BTBD7: variants seen among roughly 807,000 people sequenced by gnomAD.
BTBD7 encodes BTB/POZ domain-containing protein 7.
In BTBD7, 38 loss-of-function variants were observed where a neutral mutation model predicts 99.9. That is an observed-to-expected ratio of 0.38 (90% CI 0.29 to 0.50). The LOEUF is 0.50. Among genes scored for constraint, BTBD7 ranks in the 20% least tolerant of loss-of-function variants. The pLI is 0.93. For synonymous variants in BTBD7, 520 were observed against 511.4 expected (o/e 1.02, Z -0.23); for missense variants, 1,170 against 1,394.6 (o/e 0.84, Z 2.57).
rs957974665 is a variant in BTBD7, at chr14:93,238,414, T to C, written c.*3859A>G. ...GCAGTGTGCATGTTAAGTCTTTTAG[T>C]AAGATTATCTGTAATGAGGTTTGAA... On this transcript the variant is annotated 3_prime_UTR_variant, in exon 11 of 11. Coordinates refer to ENST00000334746, the MANE Select transcript of BTBD7 (RefSeq NM_001002860.4). The C allele has an allele frequency of 6.5e-6, 1 of 152,678 alleles. No individual in the cohort carries two copies. The highest frequency in any genetic ancestry group is 2.4e-5 in the African/African-American group (1 of 41,570). The allele number at this position is 152,678 out of a possible 1,614,324, so 9.5% of individuals were successfully genotyped here.
intron 6 of BTBD7, 171 bp downstream of exon 6, chr14:93,257,024 T>C (rs754388933): frequency 9.5e-6 from 6 of 634,502 alleles, no homozygotes; most frequent in African/African-American, 1.8e-5. Context: ...AACTGTATTA[T>C]GTGGAAGACA....
intron 3 of BTBD7, among the ~76,000 whole-genome samples, chr14:93,273,656 A>C (rs2052623457): frequency 6.6e-6 from 1 of 152,182 alleles, no homozygotes; most frequent in African/African-American, 2.4e-5. Flanking sequence ...CAGCTCCCCC[A>C]ACTCCTTGCT....
intron 3 of BTBD7, among the ~76,000 whole-genome samples, chr14:93,284,911 A>T (rs927096776): frequency 2.0e-5 from 3 of 152,120 alleles, no homozygotes; most frequent in South Asian, 2.1e-4. Context: ...AAATGACTTA[A>T]GTTTTAAAAC....
intron 1 of BTBD7, among the ~76,000 whole-genome samples, chr14:93,316,543 T>C (rs1024294577): frequency 6.6e-6 from 1 of 152,192 alleles, no homozygotes; most frequent in African/African-American, 2.4e-5. Flanking sequence ...GCCACCATAC[T>C]GGGCATAACA....
At chr14:93,290,465 G>A (rs542523270) in intron 3 of BTBD7, among the ~76,000 whole-genome samples, 21 of 150,490 alleles carry the variant, frequency 1.4e-4, no homozygotes, top group Non-Finnish European at 2.4e-4. Flanking sequence ...GCCTGCCCCG[G>A]CCTCCCAAAG....
At chr14:93,275,612 G>A (rs895136602) in intron 3 of BTBD7, among the ~76,000 whole-genome samples, 5 of 152,134 alleles carry the variant, frequency 3.3e-5, no homozygotes, top group African/African-American at 9.7e-5. Context: ...CAGAGTGTAC[G>A]TACACAAACC....
At chr14:93,332,539 G>A (rs1168048713) in intron 1 of BTBD7, among the ~76,000 whole-genome samples, 1 of 151,248 alleles carries the variant, frequency 6.6e-6, no homozygotes, top group East Asian at 2.0e-4. Context: ...CGCTCTCCCC[G>A]CCCCGAGCGC....
At chr14:93,329,834 C>A (rs2053380159) in intron 1 of BTBD7, among the ~76,000 whole-genome samples, 1 of 152,086 alleles carries the variant, frequency 6.6e-6, no homozygotes. Context: ...TAGTCATGAG[C>A]CTAAGAAAAC....
chr14:93,316,627 T>G (rs975596851), intron 1 of BTBD7, among the ~76,000 whole-genome samples: 5 of 152,226 alleles, frequency 3.3e-5, no homozygotes, highest in African/African-American at 1.2e-4. Flanking sequence ...GGTTTTTCTT[T>G]TATTCACTGT....
chr14:93,273,147 AC>A lies in BTBD7; in HGVS notation c.1163-9155del, dbSNP rs562634676. Among the ~76,000 whole-genome samples the A allele has an allele frequency of 1.3e-3, 196 of 152,296 alleles. 1 individual carries two copies. The highest frequency in any genetic ancestry group is 4.3e-3 in the African/African-American group (179 of 41,550). Reference sequence around the variant, plus strand: ...CCCCTCCCATTCCTACTGGTAGGAGACATGGTGATAACCCCTGCACATAGTA... The same window carrying A: ...CCCCTCCCATTCCTACTGGTAGGAGAATGGTGATAACCCCTGCACATAGTA... On this transcript the variant is annotated intron_variant, in intron 3 of 10. Transcript: ENST00000334746.
chr14:93,256,623 T>C (rs2052433396), intron 6 of BTBD7: 1 of 152,300 alleles, frequency 6.6e-6, no homozygotes, highest in South Asian at 2.1e-4. Flanking sequence ...TCTACCATGT[T>C]GGCCAGGCTG....
chr14:93,312,478 T>C (rs2053148966), intron 1 of BTBD7, among the ~76,000 whole-genome samples: 1 of 152,214 alleles, frequency 6.6e-6, no homozygotes, highest in Non-Finnish European at 1.5e-5. Flanking sequence ...ATAGTAAACA[T>C]ACCTGACAGC....
chr14:93,253,176 A>T (rs1326838447), intron 7 of BTBD7, among the ~76,000 whole-genome samples: 2 of 152,100 alleles, frequency 1.3e-5, no homozygotes, highest in Non-Finnish European at 2.9e-5. Context: ...CAGGCCTGAA[A>T]TTTTTTCTTA....
rs1335291763 is a variant in BTBD7 at position 93,310,745 on chromosome 14, A to G, written c.-106-14588T>C. Among the ~76,000 whole-genome samples, 7 of 151,622 alleles carry G rather than the reference A, an allele frequency of 4.6e-5. No individual in the cohort carries two copies. In the South Asian group the frequency reaches 8.3e-4, roughly 18 times the overall value. ...GGCAACAGTGACTCTGTTTCCAAAAACAAACAAACAAAAAAACCAAAAAAC... is the reference window on the plus strand; with the variant it reads ...GGCAACAGTGACTCTGTTTCCAAAAGCAAACAAACAAAAAAACCAAAAAAC... On this transcript the variant is annotated intron_variant, in intron 1 of 10. Coordinates refer to ENST00000334746, the MANE Select transcript of BTBD7 (RefSeq NM_001002860.4).
rs763033810 is a variant in BTBD7 at position 93,263,821 on chromosome 14, G to T, written c.1335C>A (p.Asp445Glu). The T allele has an allele frequency of 6.2e-7, 1 of 1,614,142 alleles. No individual in the cohort carries two copies. Among genetic ancestry groups the T allele is most frequent in the South Asian group, 1.1e-5 (1 of 91,086 alleles). ...TSDVFYELSK[D>E]HLLTAIQSDY... is the part of the protein sequence containing the mutation. Reference sequence around the variant, plus strand: ...CAGACTGGATAGCAGTAAGCAGATGGTCTTTGCTGAGTTCATAAAAAACAT... The same window carrying T: ...CAGACTGGATAGCAGTAAGCAGATGTTCTTTGCTGAGTTCATAAAAAACAT... The change falls in exon 4 of 11, where the codon GAC becomes GAA. Residue 445 changes from aspartate to glutamate, a missense_variant. Coordinates refer to ENST00000334746, the MANE Select transcript of BTBD7 (RefSeq NM_001002860.4).
At chr14:93,311,468 G>T (rs142584820) in intron 1 of BTBD7, among the ~76,000 whole-genome samples, 20 of 152,112 alleles carry the variant, frequency 1.3e-4, no homozygotes, top group African/African-American at 4.3e-4. Flanking sequence ...TCAGTACAAA[G>T]ATCTAAGACA....
intron 1 of BTBD7, 41 bp from the exon 2 acceptor site, chr14:93,296,198 T>G: frequency 7.9e-7 from 1 of 1,263,432 alleles, no homozygotes; most frequent in Non-Finnish European, 1.0e-6. Context: ...TTTTTTCAAG[T>G]GTATCTCAGA....
chr14:93,321,772 T>A (rs949200273), intron 1 of BTBD7, among the ~76,000 whole-genome samples: 6 of 152,172 alleles, frequency 3.9e-5, no homozygotes, highest in South Asian at 2.1e-4. Context: ...TTTTTTTTTT[T>A]AATCTTCTTT....
intron 4 of BTBD7, 88 bp from the exon 5 acceptor site, chr14:93,261,765 A>G: frequency 3.3e-6 from 3 of 898,372 alleles, no homozygotes; most frequent in Non-Finnish European, 5.3e-6. Context: ...GGGAAATAAC[A>G]GCATGCAACT....
Sources: gnomAD v4.1 joint callset for allele counts (sites outside exome capture counted in the v4.1 genomes callset) on GRCh38, gnomAD v4.1.1 for gene constraint, MANE v1.5 for transcripts, NCBI Gene and HGNC (gene_info 2026-07-23, HGNC 2026-07-21) for gene names.